Variants in NUP133 observed in about 807,000 individuals in gnomAD.
The protein encoded by NUP133 is nuclear pore complex protein Nup133.
A neutral mutation model predicts 146.2 loss-of-function variants in NUP133; 66 were observed. That is an observed-to-expected ratio of 0.45 (90% CI 0.37 to 0.55). NUP133 has a LOEUF of 0.55. Ranked by LOEUF, NUP133 falls within the 20% of genes least tolerant of loss-of-function variation. The pLI, the probability that NUP133 is intolerant of heterozygous loss-of-function variation, is 0.00. For synonymous variants in NUP133, 521 were observed against 498.8 expected (o/e 1.04, Z -0.59); for missense variants, 1,277 against 1,374.8 (o/e 0.93, Z 1.12).
intron 25 of NUP133, among the ~76,000 whole-genome samples, chr1:229,442,307 C>T (rs750128696): frequency 2.0e-5 from 3 of 152,186 alleles, no homozygotes; most frequent in Non-Finnish European, 2.9e-5. Context: ...AGATCTGAAA[C>T]GTTTTCATGT....
intron 2 of NUP133, among the ~76,000 whole-genome samples, chr1:229,505,271 G>A (rs1661904708): frequency 6.6e-6 from 1 of 152,136 alleles, no homozygotes; most frequent in African/African-American, 2.4e-5. Flanking sequence ...CAAGAGTAGT[G>A]CTGCTGGTAT....
intron 12 of NUP133, among the ~76,000 whole-genome samples, chr1:229,483,620 G>A (rs925177426): frequency 6.1e-5 from 9 of 147,042 alleles, no homozygotes; most frequent in Non-Finnish European, 1.2e-4. Flanking sequence ...CAGGAGAATC[G>A]CTTGAACCCG....
intron 3 of NUP133, 63 bp from the exon 4 acceptor site, chr1:229,500,926 G>A (rs1571941197): frequency 1.0e-6 from 1 of 972,932 alleles, no homozygotes; most frequent in East Asian, 2.6e-5. Context: ...AGATGCATCT[G>A]ATTTCCCTTC....
chr1:229,489,486 C>T (rs954196903), intron 9 of NUP133, among the ~76,000 whole-genome samples: 1 of 152,206 alleles, frequency 6.6e-6, no homozygotes, highest in African/African-American at 2.4e-5. Context: ...AAAGAACAAG[C>T]CTGAGATGGC....
intron 12 of NUP133, 121 bp downstream of exon 12, chr1:229,483,933 A>T (rs1453667929): frequency 1.1e-5 from 7 of 647,186 alleles, no homozygotes; most frequent in Non-Finnish European, 1.3e-5. Flanking sequence ...AGCTCAAAAA[A>T]ACATTCTCCT....
chr1:229,461,882 C>T (rs1660699560), intron 19 of NUP133, among the ~76,000 whole-genome samples: 1 of 150,990 alleles, frequency 6.6e-6, no homozygotes, highest in South Asian at 2.1e-4. Flanking sequence ...TGTCCAACTA[C>T]TGACCTTTTT....
At position 229,502,009 on chromosome 1, in the gene NUP133, G is replaced by C. The variant is rs1225973555; in HGVS notation, c.395C>G (p.Pro132Arg). 13 of 1,609,684 alleles carry C rather than the reference G, an allele frequency of 8.1e-6. No homozygotes were observed. The highest frequency in any genetic ancestry group is 1.1e-5 in the Non-Finnish European group (13 of 1,176,092). The change falls in exon 3 of 26, where the codon CCT becomes CGT. Residue 132 changes from proline to arginine, a missense_variant. Transcript: ENST00000261396. ...CTAAAGAGCCATTACCTTAGTAATA[G>C]GTGACAGAGCAATCTTCCAAATAAT... ...KLIIWKIALSPITKLSVCKEL... is the reference protein window; with the variant it reads ...KLIIWKIALSRITKLSVCKEL...
chr1:229,468,158 C>T (rs1040162986), intron 15 of NUP133, among the ~76,000 whole-genome samples: 25 of 152,140 alleles, frequency 1.6e-4, no homozygotes, highest in Non-Finnish European at 2.2e-4. Flanking sequence ...AAGTGGAGAG[C>T]GCACCCTCAG....
intron 12 of NUP133, among the ~76,000 whole-genome samples, chr1:229,483,324 C>T (rs992367702): frequency 6.6e-6 from 1 of 152,186 alleles, no homozygotes; most frequent in Non-Finnish European, 1.5e-5. Flanking sequence ...TGGTCTCGAA[C>T]TTCCGGGCTC....
At position 229,490,206 on chromosome 1, in the gene NUP133, T is replaced by C. The variant is rs1269943571; in HGVS notation, c.1047-104A>G. The stretch of plus-strand genomic sequence containing the variant: ...CCATATAACTTAGCAATCCCATTCG[T>C]GGACACCTATCCAAGAGAAAATTTA... On this transcript the variant is annotated intron_variant, in intron 8 of 25. Transcript: ENST00000261396. The C allele has an allele frequency of 7.2e-6, 7 of 967,832 alleles. No individual in the cohort carries two copies. In the African/African-American group the frequency reaches 1.2e-4, roughly 16 times the overall value. 60.0% of individuals were successfully genotyped at this position (967,832 alleles called of 1,614,324 possible).
chr1:229,502,139 G>A, intron 2 of NUP133, 37 bp from the exon 3 acceptor site: 1 of 1,447,264 alleles, frequency 6.9e-7, no homozygotes, highest in African/African-American at 1.4e-5. Context: ...TAATCTTATA[G>A]TATAAATCTT....
At chr1:229,506,449 GT>G (rs35852954) in intron 1 of NUP133, among the ~76,000 whole-genome samples, 438 of 107,392 alleles carry the variant, frequency 4.1e-3, no homozygotes, top group Middle Eastern at 5.4e-3. Context: ...CTAGACCAGT[GT>G]TTTTTTTTTT....
At chr1:229,474,900 C>G (rs950454547) in intron 14 of NUP133, among the ~76,000 whole-genome samples, 1 of 151,800 alleles carries the variant, frequency 6.6e-6, no homozygotes, top group Non-Finnish European at 1.5e-5. Flanking sequence ...CCCAGGAGTT[C>G]GAGACCAGCC....
At chr1:229,461,621 A>G (rs73114347) in intron 19 of NUP133, among the ~76,000 whole-genome samples, 2,741 of 152,294 alleles carry the variant, frequency 0.018, 83 homozygotes, top group African/African-American at 0.062. Flanking sequence ...CTAAAATACA[A>G]TTTAAAAATT....
intron 20 of NUP133, among the ~76,000 whole-genome samples, chr1:229,458,608 A>C (rs1660619904): frequency 6.6e-6 from 1 of 152,210 alleles, no homozygotes; most frequent in African/African-American, 2.4e-5. Context: ...TCATAATTTG[A>C]ATATTACAAC....
At chr1:229,494,177 T>C (rs1384060479) in intron 8 of NUP133, among the ~76,000 whole-genome samples, 1 of 152,142 alleles carries the variant, frequency 6.6e-6, no homozygotes, top group African/African-American at 2.4e-5. Flanking sequence ...TATATGCCCA[T>C]AGTGGGCTGT....
chr1:229,447,396 T>G (rs1660324193), intron 24 of NUP133, among the ~76,000 whole-genome samples: 1 of 152,156 alleles, frequency 6.6e-6, no homozygotes, highest in Admixed American at 6.5e-5. Context: ...CTGTGAAATA[T>G]GTATTTGGTC....
intron 19 of NUP133, among the ~76,000 whole-genome samples, chr1:229,461,636 G>T (rs1365981483): frequency 1.3e-5 from 2 of 152,026 alleles, no homozygotes; most frequent in Admixed American, 6.6e-5. Context: ...AAAATTACCA[G>T]ATATAGGAAG....
At chr1:229,442,766 C>T (rs1372033332) in intron 25 of NUP133, among the ~76,000 whole-genome samples, 8 of 147,374 alleles carry the variant, frequency 5.4e-5, no homozygotes, top group Non-Finnish European at 8.9e-5. Context: ...CAGGCAATGG[C>T]GCGATCTCGG....
Sources: gnomAD v4.1 joint callset for allele counts (sites outside exome capture counted in the v4.1 genomes callset) on GRCh38, gnomAD v4.1.1 for gene constraint, MANE v1.5 for transcripts, NCBI Gene and HGNC (gene_info 2026-07-23, HGNC 2026-07-21) for gene names.